The following FAM210B variants were observed in gnomAD, a reference collection of about 807,000 sequenced individuals.
FAM210B encodes the protein family with sequence similarity 210 member B.
A neutral mutation model predicts 14.9 loss-of-function variants in FAM210B; 11 were observed. The ratio of observed to expected loss-of-function variants is 0.74; its 90% CI spans 0.46 to 1.22. The LOEUF is 1.22. Among genes scored for constraint, FAM210B ranks in the 50% most tolerant of loss-of-function variants. The pLI, the probability that FAM210B is intolerant of heterozygous loss-of-function variation, is 0.00. For missense variants in FAM210B, 229 were observed against 250.1 expected (o/e 0.92, Z 0.57); for synonymous variants, 113 against 110.2 (o/e 1.03, Z -0.16).
intron 1 of FAM210B, among the ~76,000 whole-genome samples, chr20:56,361,577 A>C (rs1474490404): frequency 1.3e-5 from 2 of 152,176 alleles, no homozygotes; most frequent in Non-Finnish European, 2.9e-5. Context: ...ATCCTTGGTA[A>C]ATTACTCAAC....
Position 56,367,061 on chromosome 20 carries a change from A to C in FAM210B, c.*774A>C, listed in dbSNP as rs1361727424. The C allele has an allele frequency of 6.6e-6, 1 of 152,628 alleles. No individual in the cohort carries two copies. The highest frequency in any genetic ancestry group is 6.5e-5 in the Admixed American group (1 of 15,288). 9.5% of individuals were successfully genotyped at this position (152,628 alleles called of 1,614,324 possible). A position where few individuals can be genotyped will look rare whatever the true frequency, so the allele number is the denominator to read the frequency against. ...TTCGGATACCACAAACAGCTAAGAC[A>C]ATCTCAGCTTTTCTTAGACAATCTT... On this transcript the variant is annotated 3_prime_UTR_variant, in exon 3 of 3. Coordinates refer to ENST00000371384, the MANE Select transcript of FAM210B (RefSeq NM_080821.3).
chr20:56,359,207 C>G lies in FAM210B; in HGVS notation c.186+16C>G, dbSNP rs1257298270. The G allele has an allele frequency of 1.1e-5, 13 of 1,226,880 alleles. No individual in the cohort carries two copies. The highest frequency in any genetic ancestry group is 1.3e-5 in the Non-Finnish European group (13 of 985,770). The allele number at this position is 1,226,880 out of a possible 1,614,324, so 76.0% of individuals were successfully genotyped here. On this transcript the variant is annotated intron_variant, in intron 1 of 2. Coordinates refer to ENST00000371384, the MANE Select transcript of FAM210B (RefSeq NM_080821.3). The surrounding 1 kb of genome is among the most constrained non-coding windows in gnomAD (Gnocchi z 4.3). ...CGGCCACCAGGTAAGCACCCCACCC[C>G]GACCCTGATCCCGGGCGGTGTCCAG...
At chr20:56,364,004 G>A (rs1983582234) in intron 1 of FAM210B, among the ~76,000 whole-genome samples, 1 of 152,152 alleles carries the variant, frequency 6.6e-6, no homozygotes, top group African/African-American at 2.4e-5. Flanking sequence ...AAAAGCAGTA[G>A]TATCTACCTC....
rs565901450 is a variant in FAM210B, at chr20:56,362,040, A to C, written c.186+2849A>C. Among the ~76,000 whole-genome samples, 1 of 152,196 alleles carries C rather than the reference A, an allele frequency of 6.6e-6. No individual in the cohort carries two copies. The highest frequency in any genetic ancestry group is 1.5e-5 in the Non-Finnish European group (1 of 68,030). Reference sequence around the variant, plus strand: ...GCTTGGTCTTGAACTTCTGGCCTCAAGCAATCCTCCTACACCTCAGCTTCC... The same window carrying C: ...GCTTGGTCTTGAACTTCTGGCCTCACGCAATCCTCCTACACCTCAGCTTCC... On this transcript the variant is annotated intron_variant, in intron 1 of 2. Coordinates refer to ENST00000371384, the MANE Select transcript of FAM210B (RefSeq NM_080821.3). This position sits in a 1 kb window ranked among gnomAD's most constrained non-coding sequence, Gnocchi z 4.8.
chr20:56,360,103 G>T (rs1268301716), intron 1 of FAM210B: 10 of 440,970 alleles, frequency 2.3e-5, no homozygotes, highest in Non-Finnish European at 4.2e-5. Flanking sequence ...TAGCTTTTCA[G>T]TAAGGAGCGG....
chr20:56,361,763 C>T (rs956055829), intron 1 of FAM210B, among the ~76,000 whole-genome samples: 1 of 152,068 alleles, frequency 6.6e-6, no homozygotes, highest in African/African-American at 2.4e-5. Context: ...GATCACCTGA[C>T]GTCAGAAGCT....
Position 56,359,153 on chromosome 20 carries a change from C to A in FAM210B, c.148C>A (p.Leu50Met). The A allele has an allele frequency of 8.0e-7, 1 of 1,244,034 alleles. No homozygotes were observed. Among genetic ancestry groups the A allele is most frequent in the Non-Finnish European group, 1.0e-6 (1 of 998,626 alleles). The allele number at this position is 1,244,034 out of a possible 1,614,324, so 77.1% of individuals were successfully genotyped here. The change falls in exon 1 of 3, where the codon CTG becomes ATG. Residue 50 changes from leucine (L) to methionine (M), a missense_variant. By Grantham distance (15) the Leu-to-Met change is conservative (BLOSUM62 2). Coordinates refer to ENST00000371384, the MANE Select transcript of FAM210B (RefSeq NM_080821.3). This position sits in a 1 kb window ranked among gnomAD's most constrained non-coding sequence, Gnocchi z 4.3. ...ALLPPRLDAR[L>M]LRTARGDCRG... Reference sequence around the variant, plus strand: ...GCTCCCGCCCAGGCTAGACGCCCGGCTGCTCCGCACGGCGCGCGGGGACTG... The same window carrying A: ...GCTCCCGCCCAGGCTAGACGCCCGGATGCTCCGCACGGCGCGCGGGGACTG...
intron 1 of FAM210B, chr20:56,360,054 G>A: frequency 5.2e-6 from 2 of 384,686 alleles, no homozygotes; most frequent in South Asian, 1.9e-5. Context: ...GGCCTCAGCG[G>A]AGTGCCGCCG....
intron 2 of FAM210B, 72 bp from the exon 3 acceptor site, chr20:56,365,994 TAAATC>T: frequency 1.0e-6 from 1 of 955,162 alleles, no homozygotes. Flanking sequence ...TAAAATACTG[TAAATC>T]TTATAGCCAA....
chr20:56,363,676 A>G lies in FAM210B; in HGVS notation c.187-1411A>G, dbSNP rs1983576566. ...TATTTTTGTTTCTCCCACACATTCC[A>G]GGCTTGGTAGGTGCTCAGTAACTGT... On this transcript the variant is annotated intron_variant, in intron 1 of 2. Coordinates refer to ENST00000371384, the MANE Select transcript of FAM210B (RefSeq NM_080821.3). The surrounding 1 kb of genome is among the most constrained non-coding windows in gnomAD (Gnocchi z 4.1). 6.6e-6 allele frequency among the ~76,000 whole-genome samples: 1 copy of G among 152,094 alleles called. No homozygotes were observed. The highest frequency in any genetic ancestry group is 2.4e-5 in the African/African-American group (1 of 41,392).
At position 56,366,125 on chromosome 20, in the gene FAM210B, ACAGT is replaced by A; in HGVS notation, c.420_423del (p.Ser141LysfsTer22). 8.1e-6 allele frequency: 13 copies of A among 1,614,208 alleles called. No individual in the cohort carries two copies. The highest frequency in any genetic ancestry group is 1.1e-5 in the Non-Finnish European group (13 of 1,180,042). ...AACTCGGATTTAAAGAGTCCCTGGT[ACAGT>A]CAAAAATGGCAGCAGGCACAAGTAC... On this transcript the variant is annotated frameshift_variant, in exon 3 of 3. Coordinates refer to ENST00000371384, the MANE Select transcript of FAM210B (RefSeq NM_080821.3). LOFTEE classifies it high-confidence loss of function.
chr20:56,360,926 G>A (rs1273453884), intron 1 of FAM210B, among the ~76,000 whole-genome samples: 9 of 152,202 alleles, frequency 5.9e-5, no homozygotes, highest in Admixed American at 1.3e-4. Flanking sequence ...CACCCTCGTC[G>A]GGAGGTAGGA....
rs879310289 is a variant in FAM210B, at chr20:56,359,930, CG to C, written c.186+741del. 2.6e-5 allele frequency among the ~76,000 whole-genome samples: 4 copies of C among 152,222 alleles called. No homozygotes were observed. The highest frequency in any genetic ancestry group is 5.9e-5 in the Non-Finnish European group (4 of 68,038). On this transcript the variant is annotated intron_variant, in intron 1 of 2. Transcript: ENST00000371384. The surrounding 1 kb of genome is among the most constrained non-coding windows in gnomAD (Gnocchi z 4.3). Reference sequence around the variant, plus strand: ...AGACAGGGCCCCTCCATTCATCGCCCGGTGACCTCAGACCGAGTCCTGAAGG... The same window carrying C: ...AGACAGGGCCCCTCCATTCATCGCCCGTGACCTCAGACCGAGTCCTGAAGG...
rs1983485820 is a variant in FAM210B at position 56,359,288 on chromosome 20, C to T, written c.186+97C>T. 1 of 1,155,620 alleles carries T rather than the reference C, an allele frequency of 8.7e-7. No individual in the cohort carries two copies. The highest frequency in any genetic ancestry group is 1.1e-6 in the Non-Finnish European group (1 of 927,956). The allele number at this position is 1,155,620 out of a possible 1,614,324, so 71.6% of individuals were successfully genotyped here. A position where few individuals can be genotyped will look rare whatever the true frequency, so the allele number is the denominator to read the frequency against. Reference sequence around the variant, plus strand: ...GTCCGGCCGCCTCCGCCAAGGACGCCTTTGCACTTGTAGCTGCCCGGGACC... The same window carrying T: ...GTCCGGCCGCCTCCGCCAAGGACGCTTTTGCACTTGTAGCTGCCCGGGACC... On this transcript the variant is annotated intron_variant, in intron 1 of 2. Coordinates refer to ENST00000371384, the MANE Select transcript of FAM210B (RefSeq NM_080821.3). This position sits in a 1 kb window ranked among gnomAD's most constrained non-coding sequence, Gnocchi z 4.3.
chr20:56,360,491 A>C, intron 1 of FAM210B: 6 of 216,996 alleles, frequency 2.8e-5, no homozygotes, highest in East Asian at 2.5e-4. Flanking sequence ...TTGGCCTCAG[A>C]CTCCCTGGAT....
At chr20:56,361,613 C>T (rs908699273) in intron 1 of FAM210B, among the ~76,000 whole-genome samples, 2 of 152,170 alleles carry the variant, frequency 1.3e-5, no homozygotes, top group African/African-American at 4.8e-5. Flanking sequence ...AGATCCTCTT[C>T]TGTTAAGTGG....
At position 56,359,326 on chromosome 20, in the gene FAM210B, G is replaced by A. The variant is rs558960056; in HGVS notation, c.186+135G>A. On this transcript the variant is annotated intron_variant, in intron 1 of 2. Coordinates refer to ENST00000371384, the MANE Select transcript of FAM210B (RefSeq NM_080821.3). This position sits in a 1 kb window ranked among gnomAD's most constrained non-coding sequence, Gnocchi z 4.3. ...GCTGCCCGGGACCGAGCTCTTCCAG[G>A]GTCCCCGAAACCCCAAATCCCTGCA... The A allele has an allele frequency of 2.2e-6, 2 of 923,126 alleles. No homozygotes were observed. The highest frequency in any genetic ancestry group is 1.7e-5 in the African/African-American group (1 of 57,564). The allele number at this position is 923,126 out of a possible 1,614,324, so 57.2% of individuals were successfully genotyped here.
In FAM210B at chr20:56,365,530, G is replaced by A. The variant is rs1485952242; in HGVS notation, c.362+268G>A. Among the ~76,000 whole-genome samples, 7 of 151,778 alleles carry A rather than the reference G, an allele frequency of 4.6e-5. No individual in the cohort carries two copies. In the South Asian group the frequency reaches 6.3e-4, roughly 14 times the overall value. On this transcript the variant is annotated intron_variant, in intron 2 of 2. Coordinates refer to ENST00000371384, the MANE Select transcript of FAM210B (RefSeq NM_080821.3). ...TGTTTGTTTGTTTGTTTTGGGGGAC[G>A]GACTCTCGCTCTGTTGCCAGACTGG... is the stretch of plus-strand genomic sequence containing the variant.
rs1371656528 is a variant in FAM210B at position 56,365,200 on chromosome 20, C to T, written c.300C>T (p.Gly100=). Residue 100 remains glycine, a synonymous_variant, in exon 2 of 3, where the codon GGC becomes GGT. Coordinates refer to ENST00000371384, the MANE Select transcript of FAM210B (RefSeq NM_080821.3). The part of the protein sequence containing the change: ...KKIFQEYGTV[G]VSLHIGISLI... ...TTTTTCAAGAGTATGGCACTGTTGG[C>T]GTGTCATTGCACATTGGAATCTCAT... 5.0e-6 allele frequency: 8 copies of T among 1,614,056 alleles called. No individual in the cohort carries two copies. The highest frequency in any genetic ancestry group is 1.7e-5 in the Admixed American group (1 of 60,002).
Sources: allele counts gnomAD v4.1 joint callset (sites outside exome capture counted in the v4.1 genomes callset), GRCh38; gene constraint gnomAD v4.1.1; non-coding constraint Gnocchi (gnomAD v3.1); transcripts MANE v1.5; gene names NCBI Gene and HGNC (gene_info 2026-07-23, HGNC 2026-07-21).